The following UNC13C variants were observed in gnomAD, a reference collection of about 807,000 sequenced individuals.
The protein encoded by UNC13C is unc-13 homolog C, also known as protein unc-13 homolog C.
A neutral mutation model predicts 245.4 loss-of-function variants in UNC13C; 174 were observed. The ratio of observed to expected loss-of-function variants is 0.71; its 90% CI spans 0.63 to 0.80. UNC13C has a LOEUF of 0.80. Ranked by LOEUF, UNC13C falls within the 30% of genes least tolerant of loss-of-function variation. The pLI is 0.00. For missense variants in UNC13C, 2,829 were observed against 2,602.9 expected, an observed-to-expected ratio of 1.09 and a Z score of -1.89; for synonymous variants, 992 against 895.1, an observed-to-expected ratio of 1.11 and a Z score of -1.93.
intron 4 of UNC13C, among the ~76,000 whole-genome samples, chr15:54,187,779 C>G (rs1315214141): frequency 2.0e-5 from 3 of 151,958 alleles, no homozygotes; most frequent in Non-Finnish European, 4.4e-5. Context: ...ATAATAAGGC[C>G]TACCAGGATT....
intron 19 of UNC13C, among the ~76,000 whole-genome samples, chr15:54,446,609 A>T (rs528383626): frequency 5.1e-4 from 77 of 152,280 alleles, no homozygotes; most frequent in South Asian, 3.1e-3. Flanking sequence ...ATTGGTGTAT[A>T]AGAATGCTTG....
chr15:53,939,507 T>C, the UNC13C span, among the ~76,000 whole-genome samples: 2 of 152,178 alleles, frequency 1.3e-5, no homozygotes, highest in Admixed American at 6.5e-5. Context: ...ATCATCCTGA[T>C]ACCAAAACCT....
chr15:54,366,695 AT>A (rs1156374631), intron 17 of UNC13C, among the ~76,000 whole-genome samples: 4 of 152,162 alleles, frequency 2.6e-5, no homozygotes, highest in Non-Finnish European at 5.9e-5. Context: ...AATCTGACCT[AT>A]TGCTGGAAAT....
In UNC13C at chr15:54,015,160, C is replaced by G. The variant is rs1260258364; in HGVS notation, c.2257C>G (p.Gln753Glu). The change falls in exon 2 of 33, where the codon CAA (glutamine) becomes GAA (glutamate). Residue 753 changes from glutamine (Q) to glutamate (E), a missense_variant. Transcript: ENST00000260323. Reference sequence around the variant, plus strand: ...TAATTCTAATGAGCTATACCAAAATCAAAACCAGTTGTCCATGATGTATCG... The same window carrying G: ...TAATTCTAATGAGCTATACCAAAATGAAAACCAGTTGTCCATGATGTATCG... ...GANSNELYQN[Q>E]NQLSMMYRSQ... 3 of 1,612,394 alleles carry G rather than the reference C, an allele frequency of 1.9e-6. No homozygotes were observed. The highest frequency in any genetic ancestry group is 1.7e-4 in the Middle Eastern group (1 of 6,056).
intron 14 of UNC13C, among the ~76,000 whole-genome samples, chr15:54,326,397 T>C (rs558048764): frequency 1.3e-5 from 2 of 152,226 alleles, no homozygotes; most frequent in African/African-American, 4.8e-5. Flanking sequence ...TATAAATGTG[T>C]TGTCACAATT....
chr15:54,623,121 G>T (rs903270944), intron 31 of UNC13C, among the ~76,000 whole-genome samples: 1 of 152,104 alleles, frequency 6.6e-6, no homozygotes, highest in African/African-American at 2.4e-5. Flanking sequence ...ATATTTTGCA[G>T]TAGTGATTTT....
downstream of UNC13C, chr15:54,628,719 C>G (rs1901357950): frequency 6.6e-6 from 1 of 152,110 alleles, no homozygotes; most frequent in African/African-American, 2.4e-5. Context: ...TTATTTGGTT[C>G]TAACATCTCA....
At chr15:54,383,680 C>G (rs1347399524) in intron 17 of UNC13C, among the ~76,000 whole-genome samples, 60 of 151,922 alleles carry the variant, frequency 3.9e-4, no homozygotes. Context: ...AGAAATCAGG[C>G]AAGAAAAATA....
intron 30 of UNC13C, 71 bp downstream of exon 30, chr15:54,568,018 A>G: frequency 8.4e-7 from 1 of 1,197,092 alleles, no homozygotes; most frequent in Non-Finnish European, 1.1e-6. Flanking sequence ...CAGAATTATT[A>G]TACATAGTCC....
intron 4 of UNC13C, among the ~76,000 whole-genome samples, chr15:54,188,947 A>G (rs978748953): frequency 5.3e-5 from 8 of 152,174 alleles, no homozygotes; most frequent in South Asian, 2.1e-4. Context: ...TCTAGAAACA[A>G]TGCGTATGCT....
At chr15:54,450,533 A>G (rs1891113909) in intron 19 of UNC13C, among the ~76,000 whole-genome samples, 2 of 152,218 alleles carry the variant, frequency 1.3e-5, no homozygotes. Context: ...CTGTGCTAGC[A>G]ATGAGCGAGG....
chr15:54,146,309 C>T (rs2032255563), intron 4 of UNC13C, among the ~76,000 whole-genome samples: 1 of 152,146 alleles, frequency 6.6e-6, no homozygotes, highest in Non-Finnish European at 1.5e-5. Context: ...TTTCTACCTT[C>T]GCCATCCCCA....
At chr15:54,366,485 C>A (rs1004711763) in intron 17 of UNC13C, among the ~76,000 whole-genome samples, 14 of 152,192 alleles carry the variant, frequency 9.2e-5, no homozygotes, top group African/African-American at 3.4e-4. Flanking sequence ...AACACACATA[C>A]ACACACATAC....
chr15:54,570,762 A>G (rs1897719208), intron 30 of UNC13C, among the ~76,000 whole-genome samples: 2 of 152,230 alleles, frequency 1.3e-5, no homozygotes, highest in African/African-American at 4.8e-5. Flanking sequence ...AAATGAAAAT[A>G]TAGTAGAAGA....
intron 2 of UNC13C, among the ~76,000 whole-genome samples, chr15:54,078,003 G>A (rs1898729501): frequency 6.6e-6 from 1 of 152,096 alleles, no homozygotes. Flanking sequence ...AGTCCCCAGT[G>A]TCTATTATTT....
intron 30 of UNC13C, among the ~76,000 whole-genome samples, chr15:54,594,910 C>G (rs968645751): frequency 1.3e-5 from 2 of 152,234 alleles, no homozygotes; most frequent in Non-Finnish European, 2.9e-5. Context: ...ACCGGAGCAT[C>G]GGAGGCTTGC....
At chr15:54,445,797 T>C (rs1319068879) in intron 19 of UNC13C, among the ~76,000 whole-genome samples, 1 of 152,222 alleles carries the variant, frequency 6.6e-6, no homozygotes, top group Non-Finnish European at 1.5e-5. Context: ...TTTAGTTTAA[T>C]TGGATCCCAT....
chr15:53,906,159 C>A, the UNC13C span, among the ~76,000 whole-genome samples: 1 of 152,028 alleles, frequency 6.6e-6, no homozygotes, highest in African/African-American at 2.4e-5. Flanking sequence ...CATGACAAAA[C>A]CTTGTCCCTA....
the UNC13C span, among the ~76,000 whole-genome samples, chr15:53,918,306 C>T: frequency 6.6e-5 from 10 of 151,018 alleles, 1 homozygote; most frequent in East Asian, 1.2e-3. Flanking sequence ...TATTTGGCCT[C>T]GAGCCCAGTT....
Sources: allele counts gnomAD v4.1 joint callset (sites outside exome capture counted in the v4.1 genomes callset), GRCh38; gene constraint gnomAD v4.1.1; transcripts MANE v1.5; gene names NCBI Gene and HGNC (gene_info 2026-07-23, HGNC 2026-07-21).